Variants in FER1L6 observed in about 807,000 individuals in gnomAD.
The protein encoded by FER1L6 is fer-1 like family member 6.
Under a neutral mutation model 219.2 loss-of-function variants are expected in FER1L6, and 177 were observed. That is an observed-to-expected ratio of 0.81 (90% CI 0.71 to 0.91). The LOEUF is 0.91. FER1L6 is among the 40% of genes least tolerant of loss of function. The pLI, the probability that FER1L6 is intolerant of heterozygous loss-of-function variation, is 0.00. For synonymous variants in FER1L6, 768 were observed against 824.3 expected, an observed-to-expected ratio of 0.93 and a Z score of 1.17; for missense variants, 2,153 against 2,259.9, an observed-to-expected ratio of 0.95 and a Z score of 0.96.
intron 15 of FER1L6, 49 bp downstream of exon 15, chr8:124,013,580 C>G (rs1191680372): frequency 1.5e-6 from 2 of 1,331,126 alleles, no homozygotes; most frequent in African/African-American, 3.0e-5. Flanking sequence ...TCTGTGGTCT[C>G]AGCTTTTAAT....
chr8:123,872,871 T>C (rs1265339968), intron 1 of FER1L6, among the ~76,000 whole-genome samples: 1 of 152,196 alleles, frequency 6.6e-6, no homozygotes, highest in African/African-American at 2.4e-5. Flanking sequence ...TCATATAACT[T>C]CTGTCCTCCA....
chr8:124,041,681 G>A lies in FER1L6; in HGVS notation c.2589+1675G>A, dbSNP rs111650639. Among the ~76,000 whole-genome samples, 936 of 152,238 alleles carry A rather than the reference G, an allele frequency of 6.1e-3. 16 individuals carry two copies. Among genetic ancestry groups the A allele is most frequent in the African/African-American group, 0.021 (873 of 41,548 alleles). On this transcript the variant is annotated intron_variant, in intron 20 of 40. Transcript: ENST00000522917. ...AGAGAAAGGGTTAGTTCTACCTGGG[G>A]GAGAAGTCAGGAGACACCTCAGAAG...
intron 1 of FER1L6, among the ~76,000 whole-genome samples, chr8:123,877,308 G>C (rs1206329949): frequency 1.3e-5 from 2 of 152,174 alleles, no homozygotes; most frequent in Non-Finnish European, 2.9e-5. Context: ...ACCCTCCTCT[G>C]TTAATCATAT....
chr8:124,026,116 T>C (rs1198540420), intron 18 of FER1L6, among the ~76,000 whole-genome samples: 1 of 152,174 alleles, frequency 6.6e-6, no homozygotes, highest in Non-Finnish European at 1.5e-5. Context: ...CTGGACAGAT[T>C]CTACTGTCTC....
intron 37 of FER1L6, among the ~76,000 whole-genome samples, chr8:124,098,608 T>C (rs1822408841): frequency 6.6e-6 from 1 of 152,132 alleles, no homozygotes; most frequent in Non-Finnish European, 1.5e-5. Context: ...AAAGGAGTAA[T>C]AGAAGGAGCA....
intron 12 of FER1L6, among the ~76,000 whole-genome samples, chr8:123,998,771 G>T (rs1003160837): frequency 1.3e-5 from 2 of 152,168 alleles, no homozygotes; most frequent in Non-Finnish European, 2.9e-5. Context: ...CATCCAAGTT[G>T]CAAGACAACA....
Position 124,010,665 on chromosome 8 carries a change from C to T in FER1L6, c.1772C>T (p.Thr591Ile), listed in dbSNP as rs151336286. The T allele has an allele frequency of 6.5e-3, 10,535 of 1,613,928 alleles. 105 individuals carry two copies. The highest frequency in any genetic ancestry group is 0.029 in the South Asian group (2,630 of 90,994). Residue 591 changes from threonine (T) to isoleucine (I), a missense_variant, in exon 14 of 41, where the codon ACC becomes ATC. By Grantham distance (89) the Thr-to-Ile change is moderately conservative. Transcript: ENST00000522917. ...TTCATCAGCTCTTGGGGAGACCAGACCTTCAGGCTGCACTGGTCCAACATG... is the reference window on the plus strand; with the variant it reads ...TTCATCAGCTCTTGGGGAGACCAGATCTTCAGGCTGCACTGGTCCAACATG... ...VYFISSWGDQ[T>I]FRLHWSNMLE...
Position 123,867,479 on chromosome 8 carries a change from G to A in FER1L6, c.-8+15294G>A, listed in dbSNP as rs140717729. ...TTTTTCTGATACAAGATGTAATAGC[G>A]AGTAAGAATGCTGGTTCTGGGGGGT... On this transcript the variant is annotated intron_variant, in intron 1 of 40. Coordinates refer to ENST00000522917, the MANE Select transcript of FER1L6 (RefSeq NM_001039112.2). Among the ~76,000 whole-genome samples the A allele has an allele frequency of 2.2e-3, 338 of 152,272 alleles. 1 individual carries two copies. Among genetic ancestry groups the A allele is most frequent in the Admixed American group, 4.1e-3 (63 of 15,296 alleles).
intron 1 of FER1L6, among the ~76,000 whole-genome samples, chr8:123,910,215 T>C (rs1415751030): frequency 6.6e-6 from 1 of 152,166 alleles, no homozygotes; most frequent in Non-Finnish European, 1.5e-5. Context: ...TGCCGTCATG[T>C]GAAAAGACTA....
chr8:123,867,701 T>C (rs1373201927), intron 1 of FER1L6, among the ~76,000 whole-genome samples: 2 of 152,216 alleles, frequency 1.3e-5, no homozygotes, highest in African/African-American at 4.8e-5. Flanking sequence ...CTCCTAAATG[T>C]TGGATGTTAT....
intron 1 of FER1L6, among the ~76,000 whole-genome samples, chr8:123,955,386 C>A (rs983797754): frequency 6.6e-6 from 1 of 152,162 alleles, no homozygotes. Context: ...CTGAGCTGTG[C>A]GCTTATGGTG....
rs1291395551 is a variant in FER1L6 at position 123,859,982 on chromosome 8, T to G, written c.-8+7797T>G. ...ATTATTATTATTACTATTATTATTA[T>G]TATTTTTTTAATTATACTTTAAGTT... On this transcript the variant is annotated intron_variant, in intron 1 of 40. Coordinates refer to ENST00000522917, the MANE Select transcript of FER1L6 (RefSeq NM_001039112.2). 2.1e-5 allele frequency among the ~76,000 whole-genome samples: 3 copies of G among 142,452 alleles called. No individual in the cohort carries two copies. In the East Asian group the frequency reaches 6.0e-4, roughly 29 times the overall value. The allele number at this position is 142,452 out of a possible 152,430, so 93.5% of individuals were successfully genotyped here.
intron 20 of FER1L6, among the ~76,000 whole-genome samples, chr8:124,043,183 A>C (rs1051311421): frequency 2.0e-5 from 3 of 152,206 alleles, no homozygotes; most frequent in Non-Finnish European, 4.4e-5. Context: ...ATGGGTAACA[A>C]GCAATTATTG....
At chr8:123,909,299 A>AG (rs1563681087) in intron 1 of FER1L6, among the ~76,000 whole-genome samples, 1 of 152,104 alleles carries the variant, frequency 6.6e-6, no homozygotes, top group Admixed American at 6.5e-5. Context: ...ACAAAAAAAA[A>AG]GTGGATAGAG....
chr8:123,858,735 G>C (rs145221168), intron 1 of FER1L6, among the ~76,000 whole-genome samples: 5 of 152,148 alleles, frequency 3.3e-5, no homozygotes, highest in African/African-American at 1.2e-4. Flanking sequence ...AAGGTGAGAC[G>C]GCTTGAGAAG....
rs755669576 is a variant in FER1L6 at position 124,064,405 on chromosome 8, T to C, written c.3387T>C (p.Asp1129=). 9 of 1,613,278 alleles carry C rather than the reference T, an allele frequency of 5.6e-6. 1 individual carries two copies. The South Asian group carries it at 9.9e-5, about 18-fold the overall frequency. The change falls in exon 26 of 41, where the codon GAT becomes GAC. Residue 1129 remains aspartate, a synonymous_variant. Coordinates refer to ENST00000522917, the MANE Select transcript of FER1L6 (RefSeq NM_001039112.2). ...ESSGAHSSSQ[D]PPADHIYVDV... ...CTGGAGCCCACAGCTCCTCCCAGGATCCCCCAGCAGATCACATTTATGTGG... is the reference window on the plus strand; with the variant it reads ...CTGGAGCCCACAGCTCCTCCCAGGACCCCCCAGCAGATCACATTTATGTGG...
At chr8:123,899,901 T>G (rs933336181) in intron 1 of FER1L6, among the ~76,000 whole-genome samples, 5 of 152,198 alleles carry the variant, frequency 3.3e-5, no homozygotes, top group Non-Finnish European at 7.3e-5. Context: ...GACTATGGCC[T>G]TATAGTATAG....
intron 17 of FER1L6, among the ~76,000 whole-genome samples, chr8:124,022,142 C>G (rs1253523160): frequency 1.3e-5 from 2 of 152,222 alleles, no homozygotes; most frequent in African/African-American, 4.8e-5. Flanking sequence ...ACTTCTAAAA[C>G]AGGGTTTGAT....
chr8:123,933,594 A>G (rs1813868550), intron 1 of FER1L6, among the ~76,000 whole-genome samples: 1 of 152,250 alleles, frequency 6.6e-6, no homozygotes, highest in South Asian at 2.1e-4. Flanking sequence ...ATGAAACAAA[A>G]TGTGGAAAAT....
Sources: gnomAD v4.1 joint callset for allele counts (sites outside exome capture counted in the v4.1 genomes callset) on GRCh38, gnomAD v4.1.1 for gene constraint, MANE v1.5 for transcripts, NCBI Gene and HGNC (gene_info 2026-07-23, HGNC 2026-07-21) for gene names.